The following NIN variants were observed in gnomAD, a reference collection of about 807,000 sequenced individuals.
NIN encodes the protein glycogen synthase kinase 3 beta-interacting protein.
NIN carries 137 observed loss-of-function variants against 257.6 expected under a neutral mutation model. The ratio of observed to expected loss-of-function variants is 0.53; its 90% confidence interval spans 0.46 to 0.61. The LOEUF (loss-of-function observed/expected upper bound fraction) is 0.61, where lower values mean the gene tolerates loss of function less well. Ranked by LOEUF, NIN falls within the 20% of genes least tolerant of loss-of-function variation. NIN has a pLI of 0.00. For synonymous variants in NIN, 918 were observed against 919.8 expected (o/e 1.00, Z 0.04); for missense variants, 2,439 against 2,501.2 (o/e 0.98, Z 0.53).
Position 50,773,137 on chromosome 14 carries a change from T to C in NIN, c.667-42A>G, listed in dbSNP as rs543819414. Reference sequence around the variant, plus strand: ...ACATATTTTAAATACTCCATTCAAGTATACAAGGCCCAAAGTATACTTCCG... The same window carrying C: ...ACATATTTTAAATACTCCATTCAAGCATACAAGGCCCAAAGTATACTTCCG... On this transcript the variant is annotated intron_variant, in intron 7 of 30. Coordinates refer to ENST00000530997, the MANE Select transcript of NIN (RefSeq NM_020921.4). 1.9e-5 allele frequency: 29 copies of C among 1,547,008 alleles called. No homozygotes were observed. In the East Asian group the frequency reaches 4.7e-4, roughly 25 times the overall value.
intron 3 of NIN, among the ~76,000 whole-genome samples, chr14:50,810,834 T>C (rs1258835896): frequency 6.6e-6 from 1 of 151,860 alleles, no homozygotes; most frequent in Non-Finnish European, 1.5e-5. Context: ...CTAATTTTTT[T>C]TGTATTTTTA....
At chr14:50,732,822 G>C (rs967647066) in intron 28 of NIN, among the ~76,000 whole-genome samples, 2 of 151,942 alleles carry the variant, frequency 1.3e-5, no homozygotes, top group African/African-American at 4.8e-5. Context: ...CCATCTCCTG[G>C]GTTCAAGTGA....
At chr14:50,730,902 C>G (rs1458328063) in intron 28 of NIN, 1 of 1,337,774 alleles carries the variant, frequency 7.5e-7, no homozygotes, top group Non-Finnish European at 9.9e-7. Context: ...TATGAAAGTT[C>G]ATTGAAAGAG....
intron 23 of NIN, 74 bp from the exon 24 acceptor site, chr14:50,743,603 C>A: frequency 1.2e-6 from 1 of 824,232 alleles, no homozygotes; most frequent in Non-Finnish European, 2.1e-6. Flanking sequence ...TATGCCTGCA[C>A]TTACATTGTC....
In NIN at chr14:50,757,500, A is replaced by G. The variant is rs139228423; in HGVS notation, c.3530T>C (p.Val1177Ala). Residue 1177 changes from valine to alanine, a missense_variant, in exon 18 of 31, where the codon GTA becomes GCA. Val to Ala is a moderately conservative substitution (Grantham distance 64). This residue lies in a region of NIN where 2,043 missense variants were observed against 2,050.2 expected (regional missense o/e 1.00). Transcript: ENST00000530997. Reference protein sequence around the residue: ...EVKIEESEASVEGFSELENSE... With the variant: ...EVKIEESEASAEGFSELENSE... ...GTTTTCAAGCTCAGAAAAACCCTCT[A>G]CTGAAGCTTCAGACTCCTCTATTTT... 3 of 1,613,684 alleles carry G rather than the reference A, an allele frequency of 1.9e-6. No homozygotes were observed. The highest frequency in any genetic ancestry group is 2.7e-5 in the African/African-American group (2 of 74,798).
chr14:50,773,063 A>G lies in NIN; in HGVS notation c.699T>C (p.Pro233=). The G allele has an allele frequency of 6.2e-7, 1 of 1,612,988 alleles. No homozygotes were observed. The highest frequency in any genetic ancestry group is 1.1e-5 in the South Asian group (1 of 90,896). The change falls in exon 8 of 31, where the codon CCT becomes CCC. Residue 233 remains proline, a synonymous_variant. Transcript: ENST00000530997. Reference sequence around the variant, plus strand: ...AATCTTCTACACTCATTGTACCGTCAGGATCAAGATTATGGAATACTTCCT... The same window carrying G: ...AATCTTCTACACTCATTGTACCGTCGGGATCAAGATTATGGAATACTTCCT... ...MLEEVFHNLD[P]DGTMSVEDFF...
Position 50,719,964 on chromosome 14 carries a change from ATC to A in NIN, c.*3497_*3498del, listed in dbSNP as rs781349348. The stretch of plus-strand genomic sequence containing the variant: ...AGAAACATAGAGATGGCTTTAGATA[ATC>A]TGTTTTTCCTTCACAAACCAATGTT... On this transcript the variant is annotated 3_prime_UTR_variant, in exon 31 of 31. Coordinates refer to ENST00000530997, the MANE Select transcript of NIN (RefSeq NM_020921.4). The A allele has an allele frequency of 4.6e-6, 1 of 215,594 alleles. No homozygotes were observed. The highest frequency in any genetic ancestry group is 2.3e-5 in the African/African-American group (1 of 44,362). The allele number at this position is 215,594 out of a possible 1,614,324, so 13.4% of individuals were successfully genotyped here.
At chr14:50,792,912 T>C (rs776085959) in intron 4 of NIN, 31 bp from the exon 5 acceptor site, 54 of 1,610,572 alleles carry the variant, frequency 3.4e-5, no homozygotes, top group African/African-American at 1.3e-4. Context: ...TGAGGCCACA[T>C]GACATGAGAA....
At chr14:50,778,459 T>C (rs1005556514) in intron 6 of NIN, among the ~76,000 whole-genome samples, 1 of 152,162 alleles carries the variant, frequency 6.6e-6, no homozygotes, top group South Asian at 2.1e-4. Context: ...TGAGCCACTG[T>C]ACCTGGCCAA....
chr14:50,760,831 C>A (rs1293921556), intron 16 of NIN, among the ~76,000 whole-genome samples: 1 of 152,098 alleles, frequency 6.6e-6, no homozygotes, highest in South Asian at 2.1e-4. Context: ...CACCACCGTG[C>A]CCTAATTTTT....
chr14:50,746,904 A>C (rs976914190), intron 22 of NIN, among the ~76,000 whole-genome samples: 1 of 151,998 alleles, frequency 6.6e-6, no homozygotes, highest in Non-Finnish European at 1.5e-5. Context: ...CCCAGGCTGG[A>C]GTGCAGGGGC....
intron 2 of NIN, among the ~76,000 whole-genome samples, chr14:50,828,566 A>G (rs1170564633): frequency 6.6e-6 from 1 of 152,222 alleles, no homozygotes; most frequent in Non-Finnish European, 1.5e-5. Flanking sequence ...GCATCTATAA[A>G]AATAAGCCTT....
At chr14:50,764,650 C>T (rs2042402808) in intron 14 of NIN, among the ~76,000 whole-genome samples, 1 of 152,072 alleles carries the variant, frequency 6.6e-6, no homozygotes, top group South Asian at 2.1e-4. Context: ...AAATGAAGAA[C>T]TGATACACGC....
chr14:50,785,874 A>C (rs2043325566), intron 5 of NIN, among the ~76,000 whole-genome samples: 2 of 152,174 alleles, frequency 1.3e-5, no homozygotes, highest in Non-Finnish European at 2.9e-5. Context: ...GGCAATGGAG[A>C]GCCTGACAGC....
chr14:50,748,213 G>A, intron 21 of NIN, 108 bp from the exon 22 acceptor site: 2 of 642,882 alleles, frequency 3.1e-6, no homozygotes, highest in Non-Finnish European at 2.7e-6. Flanking sequence ...TGAACTCAAT[G>A]ACACTGTTTT....
intron 3 of NIN, among the ~76,000 whole-genome samples, chr14:50,810,533 T>C (rs1360447962): frequency 6.6e-6 from 1 of 152,048 alleles, no homozygotes; most frequent in Non-Finnish European, 1.5e-5. Context: ...TCAAAAAATA[T>C]AAAATAAAAA....
At position 50,739,340 on chromosome 14, in the gene NIN, T is replaced by G. The variant is rs1458369320; in HGVS notation, c.5596A>C (p.Thr1866Pro). Residue 1866 changes from threonine to proline, a missense_variant, in exon 26 of 31, where the codon ACC (threonine) becomes CCC (proline). By Grantham distance (38) the Thr-to-Pro change is conservative (BLOSUM62 -1). Transcript: ENST00000530997. ...NERLQTMVQNTKAELTHSREK... is the reference protein window; with the variant it reads ...NERLQTMVQNPKAELTHSREK... ...CGGGAGTGCGTGAGTTCGGCTTTGG[T>G]GTTCTGTACCATGGTCTGGAGCCTC... The G allele has an allele frequency of 8.1e-6, 13 of 1,614,048 alleles. No homozygotes were observed. Among genetic ancestry groups the G allele is most frequent in the Non-Finnish European group, 1.1e-5 (13 of 1,180,026 alleles).
Position 50,720,201 on chromosome 14 carries a change from GT to G in NIN, c.*3261del. On this transcript the variant is annotated 3_prime_UTR_variant, in exon 31 of 31. Coordinates refer to ENST00000530997, the MANE Select transcript of NIN (RefSeq NM_020921.4). ...CTTTGGTTAATTAGGCTTTGACTTG[GT>G]TTTTGGCATTACTTGTATAATTATA... The G allele has an allele frequency of 9.0e-6, 2 of 222,818 alleles. No homozygotes were observed. The highest frequency in any genetic ancestry group is 1.8e-5 in the Non-Finnish European group (2 of 111,566). 13.8% of individuals were successfully genotyped at this position (222,818 alleles called of 1,614,324 possible). A position where few individuals can be genotyped will look rare whatever the true frequency, so the allele number is the denominator to read the frequency against.
intron 9 of NIN, 94 bp from the exon 10 acceptor site, chr14:50,771,562 T>G (rs2042733569): frequency 2.2e-6 from 3 of 1,349,676 alleles, no homozygotes; most frequent in Non-Finnish European, 3.1e-6. Context: ...CTCTGAGAGC[T>G]GACAATGATC....
Sources: allele counts gnomAD v4.1 joint callset (sites outside exome capture counted in the v4.1 genomes callset), GRCh38; gene constraint gnomAD v4.1.1; regional missense constraint gnomAD v4.1.1; transcripts MANE v1.5; gene names NCBI Gene and HGNC (gene_info 2026-07-23, HGNC 2026-07-21).